The following STARD13 variants were observed in gnomAD, a reference collection of about 807,000 sequenced individuals.
The protein encoded by STARD13 is StAR related lipid transfer domain containing 13.
Under a neutral mutation model 106.4 loss-of-function variants are expected in STARD13, and 62 were observed. The ratio of observed to expected loss-of-function variants is 0.58; its 90% CI spans 0.48 to 0.72. The LOEUF (loss-of-function observed/expected upper bound fraction) is 0.72. Among genes scored for constraint, STARD13 ranks in the 30% least tolerant of loss-of-function variants. The probability of loss-of-function intolerance (pLI) is 0.00; values close to 1 mark genes in which losing one functional copy is unlikely to be tolerated. For missense variants in STARD13, 1,387 were observed against 1,424.0 expected (o/e 0.97, Z 0.42); for synonymous variants, 565 against 553.0 (o/e 1.02, Z -0.31).
the STARD13 span, among the ~76,000 whole-genome samples, chr13:33,537,854 C>T: frequency 6.6e-6 from 1 of 152,160 alleles, no homozygotes; most frequent in African/African-American, 2.4e-5. Flanking sequence ...CTACCCTGAT[C>T]TCTCAGCAAA....
intron 7 of STARD13, among the ~76,000 whole-genome samples, chr13:33,125,101 G>C (rs192155054): frequency 2.0e-5 from 3 of 152,316 alleles, no homozygotes; most frequent in Admixed American, 1.3e-4. Flanking sequence ...TTCACCAAGA[G>C]ACCAGCCTGA....
chr13:33,428,487 A>G, the STARD13 span, among the ~76,000 whole-genome samples: 3 of 152,302 alleles, frequency 2.0e-5, no homozygotes, highest in Admixed American at 1.3e-4. Context: ...GAAAACCCCA[A>G]TTAAAAAATG....
At chr13:33,415,319 G>A in the STARD13 span, among the ~76,000 whole-genome samples, 1 of 152,194 alleles carries the variant, frequency 6.6e-6, no homozygotes, top group Non-Finnish European at 1.5e-5. Flanking sequence ...AGTGAGCTGA[G>A]ATTGCGCCAC....
the STARD13 span, among the ~76,000 whole-genome samples, chr13:33,499,604 T>TTCTTCTTCTTCTTCTTCTTCTTCTTCTTC: frequency 2.8e-4 from 11 of 39,904 alleles, no homozygotes; most frequent in African/African-American, 9.1e-4. Context: ...CTTCTTCTTC[T>TTCTTCTTCTTCTTCTTCTTCTTCTTCTTC]TTCTTCTTCT....
chr13:33,164,697 ATTTCT>A (rs1443927434), intron 3 of STARD13, among the ~76,000 whole-genome samples: 1 of 152,176 alleles, frequency 6.6e-6, no homozygotes, highest in Non-Finnish European at 1.5e-5. Flanking sequence ...TTCACACCTC[ATTTCT>A]TCAACTGAGT....
At chr13:33,670,439 A>G in the STARD13 span, among the ~76,000 whole-genome samples, 4 of 152,342 alleles carry the variant, frequency 2.6e-5, no homozygotes, top group Non-Finnish European at 5.9e-5. Context: ...ACTATCAACT[A>G]AAATCCTAAA....
At chr13:33,615,051 A>G in the STARD13 span, among the ~76,000 whole-genome samples, 2 of 152,216 alleles carry the variant, frequency 1.3e-5, no homozygotes, top group Non-Finnish European at 2.9e-5. Context: ...GAGGGAGGAT[A>G]CTGACTTGGA....
chr13:33,282,864 A>T (rs1045592642), intron 1 of STARD13, among the ~76,000 whole-genome samples: 2 of 151,980 alleles, frequency 1.3e-5, no homozygotes, highest in Non-Finnish European at 2.9e-5. Flanking sequence ...CTGTCTCTAT[A>T]AAAAAGTTTT....
At chr13:33,123,467 T>C (rs1427976080) in intron 7 of STARD13, among the ~76,000 whole-genome samples, 5 of 152,232 alleles carry the variant, frequency 3.3e-5, no homozygotes, top group Non-Finnish European at 5.9e-5. Context: ...AGCAGATTCT[T>C]ATTCTGAGCA....
downstream of STARD13, among the ~76,000 whole-genome samples, chr13:33,347,558 T>C (rs1049197281): frequency 1.3e-5 from 2 of 152,178 alleles, no homozygotes; most frequent in African/African-American, 4.8e-5. Flanking sequence ...CTGTACCCTT[T>C]CCTTTTAGAT....
the STARD13 span, among the ~76,000 whole-genome samples, chr13:33,381,609 A>G: frequency 3.4e-4 from 51 of 152,116 alleles, 1 homozygote; most frequent in East Asian, 9.7e-3. Context: ...GCGTGGTGGC[A>G]GGCGCCTGTA....
intron 1 of STARD13, among the ~76,000 whole-genome samples, chr13:33,251,252 C>A (rs369835016): frequency 6.6e-6 from 1 of 152,074 alleles, no homozygotes; most frequent in Non-Finnish European, 1.5e-5. Flanking sequence ...GTTGACAGGC[C>A]GCCTGGGATT....
chr13:33,596,580 T>G, the STARD13 span, among the ~76,000 whole-genome samples: 10 of 152,206 alleles, frequency 6.6e-5, no homozygotes, highest in Non-Finnish European at 1.3e-4. Flanking sequence ...TCTGCCAAAT[T>G]TGAAACATAT....
At chr13:33,374,626 A>G in the STARD13 span, among the ~76,000 whole-genome samples, 1 of 152,212 alleles carries the variant, frequency 6.6e-6, no homozygotes, top group African/African-American at 2.4e-5. Context: ...CAGGGGTTAC[A>G]GGAAATTTTT....
At chr13:33,131,088 G>T (rs1878221009) in intron 4 of STARD13, among the ~76,000 whole-genome samples, 1 of 152,190 alleles carries the variant, frequency 6.6e-6, no homozygotes, top group African/African-American at 2.4e-5. Context: ...TGAATTTGCA[G>T]CCCCTGAGAG....
At chr13:33,505,289 G>A in the STARD13 span, among the ~76,000 whole-genome samples, 3 of 152,152 alleles carry the variant, frequency 2.0e-5, no homozygotes, top group African/African-American at 7.2e-5. Flanking sequence ...AGATTCATTA[G>A]TTGGTAATTG....
At chr13:33,507,098 C>CATAAA in the STARD13 span, among the ~76,000 whole-genome samples, 6 of 152,256 alleles carry the variant, frequency 3.9e-5, no homozygotes, top group South Asian at 8.3e-4. Flanking sequence ...GAGACTGTCT[C>CATAAA]ATAAAATAAA....
chr13:33,242,631 C>T (rs1438492737), intron 1 of STARD13, among the ~76,000 whole-genome samples: 1 of 152,124 alleles, frequency 6.6e-6, no homozygotes, highest in Non-Finnish European at 1.5e-5. Context: ...GCAGGGCCCT[C>T]TGCCTAGGAA....
rs535806076 is a variant in STARD13, at chr13:33,266,139, T to C, written c.169+19331A>G. On this transcript the variant is annotated intron_variant, in intron 1 of 13. Coordinates refer to ENST00000336934, the MANE Select transcript of STARD13 (RefSeq NM_178006.4). ...AGCTGTGGCAGAACACAGACAGCAA[T>C]AGACAGCCTTGGGTTCACCTCCTGG... Among the ~76,000 whole-genome samples, 13 of 152,272 alleles carry C rather than the reference T, an allele frequency of 8.5e-5. No individual in the cohort carries two copies. The South Asian group carries it at 2.7e-3, about 32-fold the overall frequency.
Sources: gnomAD v4.1 joint callset for allele counts (sites outside exome capture counted in the v4.1 genomes callset) on GRCh38, gnomAD v4.1.1 for gene constraint, MANE v1.5 for transcripts, NCBI Gene and HGNC (gene_info 2026-07-23, HGNC 2026-07-21) for gene names.